ATP7B: variants seen among roughly 807,000 people sequenced by gnomAD.
The protein encoded by ATP7B is ATPase copper transporting beta, also known as copper-transporting ATPase 2.
ATP7B carries 113 observed loss-of-function variants against 118.9 expected under a neutral mutation model. The ratio of observed to expected loss-of-function variants is 0.95; its 90% CI spans 0.82 to 1.11. ATP7B has a LOEUF of 1.11. Ranked by LOEUF, ATP7B falls within the 50% of genes most tolerant of loss-of-function variation. The probability of loss-of-function intolerance (pLI) is 0.00; values close to 1 mark genes in which losing one functional copy is unlikely to be tolerated. For synonymous variants in ATP7B, 777 were observed against 727.4 expected (o/e 1.07, Z -1.10); for missense variants, 1,867 against 1,871.4 (o/e 1.00, Z 0.04).
At chr13:51,997,076 G>C (rs1953246369) in intron 1 of ATP7B, among the ~76,000 whole-genome samples, 1 of 152,174 alleles carries the variant, frequency 6.6e-6, no homozygotes, top group South Asian at 2.1e-4. Context: ...TACATCAGGT[G>C]CATCTGTGAT....
intron 9 of ATP7B, 142 bp downstream of exon 9, chr13:51,957,374 C>A (rs924215485): frequency 1.0e-5 from 9 of 876,678 alleles, no homozygotes; most frequent in Non-Finnish European, 1.7e-5. Flanking sequence ...GCTTTCGTAG[C>A]TGGATTGAGA....
intron 19 of ATP7B, among the ~76,000 whole-genome samples, chr13:51,936,328 A>C (rs142268114): frequency 2.6e-5 from 4 of 151,952 alleles, no homozygotes; most frequent in African/African-American, 4.8e-5. Flanking sequence ...GTCACCACTA[A>C]CCACTCAGAC....
intron 4 of ATP7B, chr13:51,966,609 T>A (rs993157005): frequency 2.4e-5 from 17 of 719,802 alleles, no homozygotes; most frequent in Middle Eastern, 7.8e-4. Flanking sequence ...GAAATTCACA[T>A]AAAATCTGAA....
chr13:51,952,013 C>T (rs192878047), intron 9 of ATP7B, among the ~76,000 whole-genome samples: 1 of 152,072 alleles, frequency 6.6e-6, no homozygotes, highest in Non-Finnish European at 1.5e-5. Flanking sequence ...TGAGAGAGCA[C>T]GCAGTGAGAA....
Position 51,934,753 on chromosome 13 carries a change from T to C in ATP7B, c.*3A>G, listed in dbSNP as rs1452137419. The C allele has an allele frequency of 3.7e-6, 6 of 1,613,418 alleles. No homozygotes were observed. In the South Asian group the frequency reaches 4.4e-5, roughly 12 times the overall value. ...CCTGCCCCGGCCCGCCTGCCTGAAG[T>C]CATCAGATGTACTGCTCCTCATCCC... On this transcript the variant is annotated 3_prime_UTR_variant, in exon 21 of 21. Transcript: ENST00000242839.
At chr13:51,957,247 C>T (rs564171308) in intron 9 of ATP7B, among the ~76,000 whole-genome samples, 24 of 152,278 alleles carry the variant, frequency 1.6e-4, no homozygotes, top group African/African-American at 5.3e-4. Flanking sequence ...TTTCCCTTGA[C>T]CAACACTGGC....
chr13:51,954,348 C>T (rs1176242145), intron 9 of ATP7B, among the ~76,000 whole-genome samples: 1 of 152,178 alleles, frequency 6.6e-6, no homozygotes, highest in Non-Finnish European at 1.5e-5. Flanking sequence ...TGGTTTTGAT[C>T]CTAAGGACAG....
chr13:51,941,004 AG>A, intron 16 of ATP7B, 76 bp downstream of exon 16: 1 of 1,589,538 alleles, frequency 6.3e-7, no homozygotes, highest in Non-Finnish European at 8.6e-7. Context: ...TCTTTTATAA[AG>A]GAGGACTCTT....
Position 51,941,711 on chromosome 13 carries a change from C to T in ATP7B, c.3413-487G>A, listed in dbSNP as rs142595558. Among the ~76,000 whole-genome samples the T allele has an allele frequency of 3.7e-3, 564 of 152,306 alleles. 2 individuals carry two copies. The highest frequency in any genetic ancestry group is 0.013 in the African/African-American group (522 of 41,556). ...CCTCTCACCTATCACTTTCTAACAG[C>T]GTGTGCTGCTAGCTGAGGTGTCACT... On this transcript the variant is annotated intron_variant, in intron 15 of 20. Coordinates refer to ENST00000242839, the MANE Select transcript of ATP7B (RefSeq NM_000053.4).
In ATP7B at chr13:51,965,039, A is replaced by T; in HGVS notation, c.1708-6T>A. ...GCGCAGGTCATCCCTGTGATCTGCAACACAGGATGGCAAGAATCCCACAGA... is the reference window on the plus strand; with the variant it reads ...GCGCAGGTCATCCCTGTGATCTGCATCACAGGATGGCAAGAATCCCACAGA... On this transcript the variant is annotated splice_polypyrimidine_tract_variant and splice_region_variant and intron_variant, in intron 4 of 20. Transcript: ENST00000242839. 1 of 1,614,016 alleles carries T rather than the reference A, an allele frequency of 6.2e-7. No homozygotes were observed. Among genetic ancestry groups the T allele is most frequent in the South Asian group, 1.1e-5 (1 of 91,068 alleles).
chr13:51,939,238 C>T, intron 16 of ATP7B, 45 bp from the exon 17 acceptor site: 1 of 1,608,236 alleles, frequency 6.2e-7, no homozygotes, highest in South Asian at 1.1e-5. Flanking sequence ...AGTTGGGGCA[C>T]CCCGCACCAA....
intron 7 of ATP7B, 164 bp from the exon 8 acceptor site, chr13:51,958,708 C>T (rs1207579932): frequency 2.9e-6 from 2 of 686,556 alleles, no homozygotes; most frequent in Non-Finnish European, 5.2e-6. Context: ...CTTTCCCATT[C>T]AGAGGACTAC....
intron 1 of ATP7B, among the ~76,000 whole-genome samples, chr13:52,006,438 G>T (rs778609071): frequency 7.2e-5 from 11 of 152,236 alleles, no homozygotes; most frequent in Non-Finnish European, 1.5e-4. Flanking sequence ...GGACAGTTGA[G>T]TTTGGATAGC....
chr13:51,957,599 G>T lies in ATP7B; in HGVS notation c.2364C>A (p.Thr788=), dbSNP rs2139504987. 1 of 1,614,100 alleles carries T rather than the reference G, an allele frequency of 6.2e-7. No individual in the cohort carries two copies. The highest frequency in any genetic ancestry group is 8.5e-7 in the Non-Finnish European group (1 of 1,179,926). The change falls in exon 9 of 21, where the codon ACC becomes ACA. Residue 788 remains threonine, a synonymous_variant. Transcript: ENST00000242839. ...ACATGAGTTTAGCCAGGGCTTCTGA[G>T]GTTTTGCTCTAGGAAATAACCAGAA... ...RWLEHLAKSK[T]SEALAKLMSL... is the part of the protein sequence containing the mutation.
chr13:51,938,770 C>CT (rs201791441), intron 17 of ATP7B, among the ~76,000 whole-genome samples: 1 of 152,142 alleles, frequency 6.6e-6, no homozygotes. Context: ...AGGTCACATA[C>CT]TTTTTTTTCC....
chr13:51,965,567 T>A (rs911588970), intron 4 of ATP7B, among the ~76,000 whole-genome samples: 1 of 152,030 alleles, frequency 6.6e-6, no homozygotes, highest in Non-Finnish European at 1.5e-5. Flanking sequence ...ATGCAGGAGA[T>A]GTAATCAAAG....
chr13:52,004,941 T>A (rs1205251544), intron 1 of ATP7B, among the ~76,000 whole-genome samples: 1 of 152,156 alleles, frequency 6.6e-6, no homozygotes, highest in Non-Finnish European at 1.5e-5. Flanking sequence ...GACACCAAGG[T>A]TTATAGCCTG....
chr13:51,937,490 C>T lies in ATP7B; in HGVS notation c.3889G>A (p.Val1297Ile), dbSNP rs148399850. ...GCCACGCTCACTCTGATAAGGACGACGTCGGCTGCCTCGATGGCCACATCC... is the reference window on the plus strand; with the variant it reads ...GCCACGCTCACTCTGATAAGGACGATGTCGGCTGCCTCGATGGCCACATCC... ...GTDVAIEAADVVLIRNDLLDV... is the reference protein window; with the variant it reads ...GTDVAIEAADIVLIRNDLLDV... Residue 1297 changes from valine (V) to isoleucine (I), a missense_variant, in exon 18 of 21, where the codon GTC (valine) becomes ATC (isoleucine). Transcript: ENST00000242839. The T allele has an allele frequency of 1.1e-3, 1,847 of 1,614,090 alleles. 11 individuals carry two copies. In the East Asian group the frequency reaches 0.017, roughly 15 times the overall value.
At chr13:51,983,024 T>C (rs1455302550) in intron 1 of ATP7B, among the ~76,000 whole-genome samples, 1 of 152,134 alleles carries the variant, frequency 6.6e-6, no homozygotes, top group East Asian at 1.9e-4. Flanking sequence ...AGGAGTTTTT[T>C]TTTCATACCC....
Sources: allele counts gnomAD v4.1 joint callset (sites outside exome capture counted in the v4.1 genomes callset), GRCh38; gene constraint gnomAD v4.1.1; transcripts MANE v1.5; gene names NCBI Gene and HGNC (gene_info 2026-07-23, HGNC 2026-07-21).